ZNF148: variants seen among roughly 807,000 people sequenced by gnomAD.
ZNF148 encodes zinc finger protein 148, also known as Beta-Enolase Repressor Factor-1.
In ZNF148, 7 loss-of-function variants were observed where a neutral mutation model predicts 67.7. That is an observed-to-expected ratio of 0.10 (90% CI 0.06 to 0.19). The LOEUF is 0.19. ZNF148 is among the 10% of genes least tolerant of loss of function. The pLI, the probability that ZNF148 is intolerant of heterozygous loss-of-function variation, is 1.00. For missense variants in ZNF148, 583 were observed against 947.1 expected, an observed-to-expected ratio of 0.62 and a Z score of 5.05; for synonymous variants, 333 against 330.7, an observed-to-expected ratio of 1.01 and a Z score of -0.08.
chr3:125,315,228 C>T (rs1209292742), intron 3 of ZNF148, among the ~76,000 whole-genome samples: 1 of 151,988 alleles, frequency 6.6e-6, no homozygotes, highest in African/African-American at 2.4e-5. Context: ...TTTGGAAATC[C>T]TTAAGAATCA....
intron 1 of ZNF148, among the ~76,000 whole-genome samples, chr3:125,362,412 T>C (rs1942571041): frequency 1.3e-5 from 2 of 152,170 alleles, no homozygotes; most frequent in South Asian, 4.1e-4. Flanking sequence ...TGCTTCCATA[T>C]TCTTCCAACC....
chr3:125,267,401 C>A (rs960385514), intron 7 of ZNF148, among the ~76,000 whole-genome samples: 1 of 152,080 alleles, frequency 6.6e-6, no homozygotes, highest in African/African-American at 2.4e-5. Flanking sequence ...TCCCGGGATG[C>A]AATGCTGGTT....
intron 7 of ZNF148, among the ~76,000 whole-genome samples, chr3:125,264,960 T>C (rs567789334): frequency 6.6e-6 from 1 of 152,324 alleles, no homozygotes; most frequent in African/African-American, 2.4e-5. Context: ...TGAGTGAATA[T>C]ATCCAGGCTG....
At chr3:125,244,514 T>G (rs1367560682) in intron 7 of ZNF148, among the ~76,000 whole-genome samples, 1 of 151,936 alleles carries the variant, frequency 6.6e-6, no homozygotes, top group Non-Finnish European at 1.5e-5. Flanking sequence ...TTTTTTTTTC[T>G]GAGACGGAGT....
At chr3:125,366,907 TTC>T (rs2107792583) in intron 1 of ZNF148, among the ~76,000 whole-genome samples, 1 of 152,316 alleles carries the variant, frequency 6.6e-6, no homozygotes, top group Admixed American at 6.5e-5. Flanking sequence ...GCCTTTAAAG[TTC>T]TGTCTCAGGT....
intron 7 of ZNF148, among the ~76,000 whole-genome samples, chr3:125,273,332 C>A (rs1937859660): frequency 6.6e-6 from 1 of 152,086 alleles, no homozygotes; most frequent in African/African-American, 2.4e-5. Flanking sequence ...AGAACACTAA[C>A]TTAGATGACA....
chr3:125,359,455 C>T (rs1942469170), intron 1 of ZNF148, among the ~76,000 whole-genome samples: 1 of 152,198 alleles, frequency 6.6e-6, no homozygotes, highest in African/African-American at 2.4e-5. Flanking sequence ...ATGGGCCATG[C>T]ACAGTGGCTC....
chr3:125,355,250 T>A (rs1408504259), intron 1 of ZNF148, among the ~76,000 whole-genome samples: 2 of 151,648 alleles, frequency 1.3e-5, no homozygotes, highest in African/African-American at 4.8e-5. Context: ...CAAATAACTT[T>A]CATAGGTTTA....
chr3:125,375,051 C>CCCCTCCCCCG (rs936831515), intron 1 of ZNF148, 51 bp downstream of exon 1: 5 of 151,592 alleles, frequency 3.3e-5, no homozygotes, highest in Non-Finnish European at 1.5e-5. Context: ...CCGCCCCCTC[C>CCCCTCCCCCG]CCCTCCCCCG....
chr3:125,237,409 T>C (rs1345585908), intron 7 of ZNF148, among the ~76,000 whole-genome samples: 3 of 151,972 alleles, frequency 2.0e-5, no homozygotes, highest in African/African-American at 4.8e-5. Context: ...TGGGGAAACC[T>C]GTTTCTACTA....
chr3:125,324,035 A>G (rs1334871999), intron 2 of ZNF148, among the ~76,000 whole-genome samples: 2 of 152,092 alleles, frequency 1.3e-5, no homozygotes, highest in Non-Finnish European at 2.9e-5. Context: ...ATATTCAAGG[A>G]AATTCAGATA....
At chr3:125,260,034 C>G (rs991562945) in intron 7 of ZNF148, among the ~76,000 whole-genome samples, 3 of 152,152 alleles carry the variant, frequency 2.0e-5, no homozygotes, top group Admixed American at 6.5e-5. Flanking sequence ...AATGAGGGAA[C>G]AGCCAGTTGG....
intron 3 of ZNF148, among the ~76,000 whole-genome samples, chr3:125,315,513 C>A (rs1418089371): frequency 1.3e-5 from 2 of 151,930 alleles, no homozygotes; most frequent in Non-Finnish European, 2.9e-5. Flanking sequence ...TCGAGACCAT[C>A]CTGGCCAACA....
intron 6 of ZNF148, 38 bp from the exon 7 acceptor site, chr3:125,277,847 T>C: frequency 6.4e-7 from 1 of 1,554,318 alleles, no homozygotes; most frequent in South Asian, 1.2e-5. Flanking sequence ...AGTTACTGAA[T>C]AAAACAACGG....
chr3:125,303,775 A>AAACCATCT (rs1939724904), intron 4 of ZNF148, among the ~76,000 whole-genome samples: 1 of 151,984 alleles, frequency 6.6e-6, no homozygotes, highest in Admixed American at 6.6e-5. Context: ...AATCATCCTG[A>AAACCATCT]AACCATCTCC....
At chr3:125,360,997 C>T (rs1020564750) in intron 1 of ZNF148, among the ~76,000 whole-genome samples, 2 of 151,728 alleles carry the variant, frequency 1.3e-5, no homozygotes, top group Non-Finnish European at 2.9e-5. Context: ...GACCACTGCA[C>T]TCCAGCCTGG....
intron 4 of ZNF148, among the ~76,000 whole-genome samples, chr3:125,304,958 G>A (rs1479437015): frequency 6.6e-6 from 1 of 152,178 alleles, no homozygotes; most frequent in Non-Finnish European, 1.5e-5. Context: ...AACGACTGAC[G>A]AGATATGTCC....
intron 7 of ZNF148, among the ~76,000 whole-genome samples, chr3:125,246,064 T>A (rs1936585812): frequency 6.6e-6 from 1 of 152,216 alleles, no homozygotes; most frequent in African/African-American, 2.4e-5. Flanking sequence ...TTCTGCTGAT[T>A]TTTTTCTACA....
At position 125,233,241 on chromosome 3, in the gene ZNF148, A is replaced by T; in HGVS notation, c.1485T>A (p.Ala495=). The T allele has an allele frequency of 6.2e-7, 1 of 1,613,896 alleles. No homozygotes were observed. The highest frequency in any genetic ancestry group is 8.5e-7 in the Non-Finnish European group (1 of 1,179,888). The change falls in exon 9 of 9, where the codon GCT becomes GCA. Residue 495 remains alanine (A), a synonymous_variant. Coordinates refer to ENST00000360647, the MANE Select transcript of ZNF148 (RefSeq NM_021964.3). The surrounding 1 kb of genome is among the most constrained non-coding windows in gnomAD (Gnocchi z 5.1). ...CTGCTTGTGTTACAGAAGGCTGAGA[A>T]GCTATGGTACCCACATTCAGCGCAT... is the stretch of plus-strand genomic sequence containing the variant. ...REYALNVGTI[A]SQPSVTQAAV...
Sources: allele counts gnomAD v4.1 joint callset (sites outside exome capture counted in the v4.1 genomes callset), GRCh38; gene constraint gnomAD v4.1.1; non-coding constraint Gnocchi (gnomAD v3.1); transcripts MANE v1.5; gene names NCBI Gene and HGNC (gene_info 2026-07-23, HGNC 2026-07-21).